Variants in PARD3B observed in about 807,000 individuals in gnomAD.
The protein encoded by PARD3B is par-3 family cell polarity regulator beta, also known as partitioning defective 3 homolog B.
Under a neutral mutation model 130.2 loss-of-function variants are expected in PARD3B, and 103 were observed. That is an observed-to-expected ratio of 0.79 (90% confidence interval 0.67 to 0.93). The LOEUF is 0.93. Ranked by LOEUF, PARD3B falls within the 40% of genes least tolerant of loss-of-function variation. The probability of loss-of-function intolerance (pLI) is 0.00; values close to 1 mark genes in which losing one functional copy is unlikely to be tolerated. For missense variants in PARD3B, 1,609 were observed against 1,499.2 expected (o/e 1.07, Z -1.21); for synonymous variants, 583 against 553.2 (o/e 1.05, Z -0.76).
intron 2 of PARD3B, among the ~76,000 whole-genome samples, chr2:204,731,290 C>G (rs1333065538): frequency 6.6e-6 from 1 of 152,190 alleles, no homozygotes. Context: ...TTTATCATCA[C>G]TTACTCAATT....
At chr2:205,413,561 A>G (rs755244753) in intron 19 of PARD3B, among the ~76,000 whole-genome samples, 2 of 152,200 alleles carry the variant, frequency 1.3e-5, no homozygotes, top group Non-Finnish European at 2.9e-5. Context: ...GGCTAAATCA[A>G]TGGTAGACAA....
At position 205,341,560 on chromosome 2, in the gene PARD3B, A is replaced by G. The variant is rs991442123; in HGVS notation, c.2630+39859A>G. On this transcript the variant is annotated intron_variant, in intron 18 of 22. Coordinates refer to ENST00000406610, the MANE Select transcript of PARD3B (RefSeq NM_001302769.2). The surrounding 1 kb of genome is among the most constrained non-coding windows in gnomAD (Gnocchi z 4.3). The stretch of plus-strand genomic sequence containing the variant: ...AAAAAATGTTTAAGCTCATGAAAGT[A>G]GAGACCAGAATTGTGGCTATTAGAG... Among the ~76,000 whole-genome samples the G allele has an allele frequency of 1.3e-5, 2 of 152,178 alleles. No homozygotes were observed. The highest frequency in any genetic ancestry group is 2.1e-4 in the South Asian group (1 of 4,830).
At chr2:205,534,738 G>A (rs1176981668) in intron 21 of PARD3B, among the ~76,000 whole-genome samples, 2 of 152,178 alleles carry the variant, frequency 1.3e-5, no homozygotes, top group East Asian at 3.9e-4. Flanking sequence ...CAAAGTGCTG[G>A]AATTACAGGC....
chr2:205,246,145 G>A (rs2039561669), intron 16 of PARD3B, among the ~76,000 whole-genome samples: 1 of 151,962 alleles, frequency 6.6e-6, no homozygotes, highest in African/African-American at 2.4e-5. Flanking sequence ...TCTTTCCCAT[G>A]ATGACTTTCA....
intron 2 of PARD3B, among the ~76,000 whole-genome samples, chr2:204,732,983 C>T (rs2039581739): frequency 6.6e-6 from 1 of 152,094 alleles, no homozygotes; most frequent in African/African-American, 2.4e-5. Context: ...GAGTGCCTGC[C>T]ATGATGGTGC....
At chr2:204,586,889 T>C (rs2032850574) in intron 1 of PARD3B, among the ~76,000 whole-genome samples, 1 of 152,234 alleles carries the variant, frequency 6.6e-6, no homozygotes, top group African/African-American at 2.4e-5. Flanking sequence ...CTAAACCTGC[T>C]GAACATGGCA....
chr2:205,235,339 C>T (rs953403389), intron 15 of PARD3B, among the ~76,000 whole-genome samples: 1 of 152,070 alleles, frequency 6.6e-6, no homozygotes, highest in African/African-American at 2.4e-5. Flanking sequence ...GGAGAATCAC[C>T]TGAGCCTGGG....
At chr2:205,296,360 A>G (rs1370464811) in intron 16 of PARD3B, among the ~76,000 whole-genome samples, 2 of 152,230 alleles carry the variant, frequency 1.3e-5, no homozygotes, top group East Asian at 3.9e-4. Context: ...AAGCAACAGC[A>G]GTGCTCAGCT....
chr2:204,550,974 A>G (rs1225446734), intron 1 of PARD3B, among the ~76,000 whole-genome samples: 1 of 152,164 alleles, frequency 6.6e-6, no homozygotes, highest in Non-Finnish European at 1.5e-5. Context: ...ATGCTTTTCA[A>G]TTGATTGGGC....
intron 1 of PARD3B, among the ~76,000 whole-genome samples, chr2:204,601,417 T>A (rs531397964): frequency 6.6e-6 from 1 of 152,148 alleles, no homozygotes; most frequent in South Asian, 2.1e-4. Context: ...ATTGCTATAT[T>A]GTTTTTTAAT....
At chr2:204,956,649 T>G (rs757934745) in intron 2 of PARD3B, among the ~76,000 whole-genome samples, 2 of 152,096 alleles carry the variant, frequency 1.3e-5, no homozygotes, top group Non-Finnish European at 2.9e-5. Flanking sequence ...ATGTAGCTAG[T>G]GATACATTGG....
At chr2:205,019,058 CA>C (rs1447599743) in intron 3 of PARD3B, among the ~76,000 whole-genome samples, 1 of 152,114 alleles carries the variant, frequency 6.6e-6, no homozygotes, top group Non-Finnish European at 1.5e-5. Context: ...CATAGTTTTG[CA>C]GCCATCATCA....
chr2:205,481,360 A>C (rs1249047896), intron 20 of PARD3B, among the ~76,000 whole-genome samples: 2 of 152,104 alleles, frequency 1.3e-5, no homozygotes, highest in African/African-American at 2.4e-5. Flanking sequence ...TCGACAATGG[A>C]AAGAGAGCAA....
chr2:204,794,403 A>G (rs2042299321), intron 2 of PARD3B, among the ~76,000 whole-genome samples: 1 of 152,280 alleles, frequency 6.6e-6, no homozygotes, highest in Admixed American at 6.5e-5. Context: ...CATTGTTTTG[A>G]CTGTGTCTGC....
chr2:204,786,042 A>C (rs1574978488), intron 2 of PARD3B, among the ~76,000 whole-genome samples: 1 of 143,048 alleles, frequency 7.0e-6, no homozygotes. Flanking sequence ...TGAACCCGGG[A>C]GGTGGAGGTT....
intron 21 of PARD3B, among the ~76,000 whole-genome samples, chr2:205,510,336 C>A (rs1281089525): frequency 6.6e-6 from 1 of 152,158 alleles, no homozygotes; most frequent in Admixed American, 6.5e-5. Flanking sequence ...ACCCTTCTAT[C>A]TTAGTTATTA....
At chr2:204,730,010 C>G (rs990411613) in intron 2 of PARD3B, among the ~76,000 whole-genome samples, 1 of 150,942 alleles carries the variant, frequency 6.6e-6, no homozygotes, top group African/African-American at 2.4e-5. Flanking sequence ...CACACACACA[C>G]ACACACACAC....
At position 205,281,980 on chromosome 2, in the gene PARD3B, C is replaced by T. The variant is rs1223442811; in HGVS notation, c.2186-18550C>T. ...TTCACTTTGTTGAAAATTTCCCATT[C>T]GTTTTCTAATTATCAAAAATGTTTT... On this transcript the variant is annotated intron_variant, in intron 16 of 22. Coordinates refer to ENST00000406610, the MANE Select transcript of PARD3B (RefSeq NM_001302769.2). This position sits in a 1 kb window ranked among gnomAD's most constrained non-coding sequence, Gnocchi z 4.2. Among the ~76,000 whole-genome samples, 1 of 152,064 alleles carries T rather than the reference C, an allele frequency of 6.6e-6. No individual in the cohort carries two copies. Among genetic ancestry groups the T allele is most frequent in the Admixed American group, 6.5e-5 (1 of 15,272 alleles).
At chr2:204,583,634 A>G (rs2032688009) in intron 1 of PARD3B, among the ~76,000 whole-genome samples, 1 of 150,658 alleles carries the variant, frequency 6.6e-6, no homozygotes, top group Non-Finnish European at 1.5e-5. Flanking sequence ...AAAAAAAAAA[A>G]AAAAAAAAAA....
Sources: allele counts gnomAD v4.1 joint callset (sites outside exome capture counted in the v4.1 genomes callset), GRCh38; gene constraint gnomAD v4.1.1; non-coding constraint Gnocchi (gnomAD v3.1); transcripts MANE v1.5; gene names NCBI Gene and HGNC (gene_info 2026-07-23, HGNC 2026-07-21).